LUZP2: variants seen among roughly 807,000 people sequenced by gnomAD.
LUZP2 encodes leucine zipper protein 2.
LUZP2 carries 52 observed loss-of-function variants against 51.6 expected under a neutral mutation model. The observed-to-expected ratio is 1.01, with a 90% CI of 0.81 to 1.27. The LOEUF (loss-of-function observed/expected upper bound fraction) is 1.27. Ranked by LOEUF, LUZP2 falls within the 50% of genes most tolerant of loss-of-function variation. The probability of loss-of-function intolerance (pLI) is 0.00; values close to 1 mark genes in which losing one functional copy is unlikely to be tolerated. For missense variants in LUZP2, 436 were observed against 395.4 expected, an observed-to-expected ratio of 1.10 and a Z score of -0.87; for synonymous variants, 154 against 137.3, an observed-to-expected ratio of 1.12 and a Z score of -0.85.
At chr11:25,023,061 T>C (rs911143530) in intron 9 of LUZP2, among the ~76,000 whole-genome samples, 2 of 152,170 alleles carry the variant, frequency 1.3e-5, no homozygotes, top group Non-Finnish European at 2.9e-5. Flanking sequence ...CAGCATTTTA[T>C]TGAGGGTTTT....
At chr11:24,618,655 T>C (rs542580780) in intron 1 of LUZP2, among the ~76,000 whole-genome samples, 1 of 152,330 alleles carries the variant, frequency 6.6e-6, no homozygotes, top group East Asian at 1.9e-4. Flanking sequence ...AAAAGAAAGC[T>C]TAAACAATTA....
intron 5 of LUZP2, among the ~76,000 whole-genome samples, chr11:24,904,575 G>A (rs1384625991): frequency 5.9e-5 from 9 of 152,014 alleles, no homozygotes. Flanking sequence ...GAGCCACCAC[G>A]CCCGACCTAT....
chr11:24,759,404 A>G (rs553723449), intron 4 of LUZP2, among the ~76,000 whole-genome samples: 1 of 152,218 alleles, frequency 6.6e-6, no homozygotes, highest in South Asian at 2.1e-4. Flanking sequence ...CCATGGCCTA[A>G]AATGCTAATA....
chr11:24,658,333 C>T (rs1347746919), intron 1 of LUZP2, among the ~76,000 whole-genome samples: 1 of 152,120 alleles, frequency 6.6e-6, no homozygotes, highest in Non-Finnish European at 1.5e-5. Flanking sequence ...GAAAGGATTC[C>T]CTATTTAATA....
chr11:24,860,036 T>C (rs1447022471), intron 5 of LUZP2, among the ~76,000 whole-genome samples: 1 of 152,200 alleles, frequency 6.6e-6, no homozygotes, highest in African/African-American at 2.4e-5. Context: ...GACTCACAAC[T>C]GCCTAACTCC....
chr11:24,558,515 G>A (rs1851939627), intron 1 of LUZP2, among the ~76,000 whole-genome samples: 1 of 151,984 alleles, frequency 6.6e-6, no homozygotes, highest in Non-Finnish European at 1.5e-5. Flanking sequence ...AATTTGACAT[G>A]CTTATTGATA....
At chr11:24,663,430 A>G (rs1856090703) in intron 1 of LUZP2, among the ~76,000 whole-genome samples, 1 of 152,126 alleles carries the variant, frequency 6.6e-6, no homozygotes, top group Admixed American at 6.6e-5. Flanking sequence ...CTGTGGAACT[A>G]TGAGTCAATT....
At chr11:24,757,962 AATG>A (rs1432081569) in intron 4 of LUZP2, among the ~76,000 whole-genome samples, 1 of 152,144 alleles carries the variant, frequency 6.6e-6, no homozygotes, top group East Asian at 1.9e-4. Context: ...GAAGGATTTT[AATG>A]ATGACTTTTA....
intron 9 of LUZP2, among the ~76,000 whole-genome samples, chr11:25,049,439 C>A (rs1039117266): frequency 1.3e-5 from 2 of 152,038 alleles, no homozygotes; most frequent in Non-Finnish European, 2.9e-5. Flanking sequence ...AACTAGGAAA[C>A]AGCTTTTTCT....
At chr11:24,941,752 G>A (rs904981390) in intron 7 of LUZP2, among the ~76,000 whole-genome samples, 4 of 152,214 alleles carry the variant, frequency 2.6e-5, no homozygotes, top group Middle Eastern at 3.4e-3. Context: ...AAAATTTAAT[G>A]TATTTATTGT....
chr11:24,569,896 C>T (rs1852377851), intron 1 of LUZP2, among the ~76,000 whole-genome samples: 1 of 151,660 alleles, frequency 6.6e-6, no homozygotes, highest in African/African-American at 2.4e-5. Flanking sequence ...CTTTGGAAGA[C>T]ATCAAAATCA....
chr11:24,819,912 C>T (rs1297202628), intron 5 of LUZP2, among the ~76,000 whole-genome samples: 1 of 152,172 alleles, frequency 6.6e-6, no homozygotes, highest in East Asian at 1.9e-4. Flanking sequence ...ATGAAAATGA[C>T]AATTCCTTAC....
intron 1 of LUZP2, among the ~76,000 whole-genome samples, chr11:24,719,276 A>G (rs958736386): frequency 2.0e-5 from 3 of 152,222 alleles, no homozygotes; most frequent in Non-Finnish European, 4.4e-5. Flanking sequence ...AGAGTCAAAT[A>G]AAAATGTTCA....
At chr11:24,939,018 A>C (rs991369762) in intron 7 of LUZP2, among the ~76,000 whole-genome samples, 4 of 152,038 alleles carry the variant, frequency 2.6e-5, no homozygotes, top group Non-Finnish European at 4.4e-5. Context: ...TTTAAATTGG[A>C]AGGCCTAGCA....
intron 5 of LUZP2, among the ~76,000 whole-genome samples, chr11:24,839,438 G>C (rs1850957446): frequency 1.3e-5 from 2 of 151,648 alleles, no homozygotes; most frequent in African/African-American, 4.8e-5. Context: ...TAGTGACTGA[G>C]ATAGCATAAA....
At chr11:25,033,077 G>A (rs184874811) in intron 9 of LUZP2, among the ~76,000 whole-genome samples, 1 of 152,184 alleles carries the variant, frequency 6.6e-6, no homozygotes, top group East Asian at 1.9e-4. Context: ...GAAACAAAAC[G>A]CCGGGAACAT....
Position 24,882,815 on chromosome 11 carries a change from G to GGAGGAAGAGAGGAAGA in LUZP2, c.397-23172_397-23171insAAGAGAGGAAGAGAGG, listed in dbSNP as rs71044323. Among the ~76,000 whole-genome samples the GGAGGAAGAGAGGAAGA allele has an allele frequency of 3.3e-4, 49 of 149,548 alleles. 1 individual carries two copies. In the South Asian group the frequency reaches 1.0e-2, roughly 31 times the overall value. ...GGAAGAAAGGAAGGAAGGGAAGAAG[G>GGAGGAAGAGAGGAAGA]GAGGGAGGGAGGGAATGAGAAGGGA... On this transcript the variant is annotated intron_variant, in intron 5 of 11. Coordinates refer to ENST00000336930, the MANE Select transcript of LUZP2 (RefSeq NM_001009909.4).
intron 1 of LUZP2, among the ~76,000 whole-genome samples, chr11:24,542,130 A>G (rs1453069571): frequency 1.3e-5 from 2 of 152,130 alleles, no homozygotes; most frequent in Non-Finnish European, 2.9e-5. Flanking sequence ...CTAGGAAGCT[A>G]GAGATAACCT....
At chr11:24,550,413 G>A (rs1564985223) in intron 1 of LUZP2, among the ~76,000 whole-genome samples, 1 of 152,062 alleles carries the variant, frequency 6.6e-6, no homozygotes. Context: ...TGGGTTGGTT[G>A]TTAGAACTGC....
Sources: allele counts gnomAD v4.1 joint callset (sites outside exome capture counted in the v4.1 genomes callset), GRCh38; gene constraint gnomAD v4.1.1; transcripts MANE v1.5; gene names NCBI Gene and HGNC (gene_info 2026-07-23, HGNC 2026-07-21).